Variants in FAM227B observed in about 807,000 individuals in gnomAD.
The protein encoded by FAM227B is family with sequence similarity 227 member B, also known as protein FAM227B.
In FAM227B, 88 loss-of-function variants were observed where a neutral mutation model predicts 73.8. The ratio of observed to expected loss-of-function variants is 1.19; its 90% CI spans 1.00 to 1.42. The LOEUF (loss-of-function observed/expected upper bound fraction) is 1.42. Among genes scored for constraint, FAM227B ranks in the 40% most tolerant of loss-of-function variants. FAM227B has a pLI of 0.00. For synonymous variants in FAM227B, 210 were observed against 190.5 expected (o/e 1.10, Z -0.84); for missense variants, 632 against 590.9 (o/e 1.07, Z -0.72).
At chr15:49,565,166 G>A (rs993768188) in intron 9 of FAM227B, among the ~76,000 whole-genome samples, 1 of 151,892 alleles carries the variant, frequency 6.6e-6, no homozygotes, top group African/African-American at 2.4e-5. Flanking sequence ...GGCGGATCAC[G>A]AGGTCAGGAG....
intron 11 of FAM227B, among the ~76,000 whole-genome samples, chr15:49,446,484 A>G (rs559389473): frequency 2.6e-5 from 4 of 151,730 alleles, no homozygotes; most frequent in African/African-American, 9.6e-5. Context: ...CTGAAAGAGA[A>G]TATTTCTGGG....
chr15:49,505,159 T>C (rs2058481401), intron 11 of FAM227B, among the ~76,000 whole-genome samples: 1 of 152,172 alleles, frequency 6.6e-6, no homozygotes, highest in Non-Finnish European at 1.5e-5. Flanking sequence ...AAAAACAGCA[T>C]GCACTCTATA....
chr15:49,357,988 A>G lies in FAM227B; in HGVS notation c.1271+9460T>C, dbSNP rs915844464. Among the ~76,000 whole-genome samples, 139 of 152,124 alleles carry G rather than the reference A, an allele frequency of 9.1e-4. 1 individual carries two copies. Among genetic ancestry groups the G allele is most frequent in the African/African-American group, 3.0e-3 (125 of 41,458 alleles). Reference sequence around the variant, plus strand: ...ATAAACAGAGCCAAAGACAAAAACCACATGATTATCTCAATAGATGCAGAA... The same window carrying G: ...ATAAACAGAGCCAAAGACAAAAACCGCATGATTATCTCAATAGATGCAGAA... On this transcript the variant is annotated intron_variant, in intron 13 of 15. Coordinates refer to ENST00000299338, the MANE Select transcript of FAM227B (RefSeq NM_152647.3).
At chr15:49,577,271 TG>T in intron 6 of FAM227B, 1 of 353,600 alleles carries the variant, frequency 2.8e-6, no homozygotes, top group Non-Finnish European at 5.5e-6. Context: ...CACTCCAGCC[TG>T]GGCCACAGAG....
At chr15:49,592,107 T>C (rs1445409876) in intron 3 of FAM227B, among the ~76,000 whole-genome samples, 1 of 152,182 alleles carries the variant, frequency 6.6e-6, no homozygotes, top group Non-Finnish European at 1.5e-5. Context: ...TGCGATGGGT[T>C]AGAACATGTT....
chr15:49,517,649 C>T (rs991612775), intron 10 of FAM227B, among the ~76,000 whole-genome samples: 24 of 151,982 alleles, frequency 1.6e-4, no homozygotes, highest in African/African-American at 5.3e-4. Flanking sequence ...GCTACTATTG[C>T]CTTTGTTTTC....
intron 11 of FAM227B, among the ~76,000 whole-genome samples, chr15:49,463,569 T>G (rs1292516208): frequency 8.6e-6 from 1 of 116,916 alleles, no homozygotes. Context: ...AAAAAAAATA[T>G]CCAAACTCAA....
At chr15:49,463,932 T>TTTG (rs1555496011) in intron 11 of FAM227B, among the ~76,000 whole-genome samples, 2 of 151,710 alleles carry the variant, frequency 1.3e-5, no homozygotes, top group African/African-American at 4.8e-5. Flanking sequence ...TTTGTTTGTT[T>TTTG]TTTGTTTGTT....
intron 10 of FAM227B, among the ~76,000 whole-genome samples, chr15:49,536,072 CAAAAAAAA>C (rs59203003): frequency 2.6e-5 from 3 of 114,012 alleles, no homozygotes; most frequent in Non-Finnish European, 5.5e-5. Flanking sequence ...GGCAATCAGA[CAAAAAAAA>C]AAAAAAAAAA....
At chr15:49,422,204 A>C (rs2049741879) in intron 11 of FAM227B, among the ~76,000 whole-genome samples, 1 of 151,576 alleles carries the variant, frequency 6.6e-6, no homozygotes. Context: ...TTTGAGGAGT[A>C]TATAACATGA....
chr15:49,527,558 G>T (rs762411358), intron 10 of FAM227B, among the ~76,000 whole-genome samples: 13 of 151,660 alleles, frequency 8.6e-5, no homozygotes, highest in Non-Finnish European at 1.8e-4. Context: ...TTGGAAAAAA[G>T]GTCAAATTAT....
intron 11 of FAM227B, among the ~76,000 whole-genome samples, chr15:49,507,747 T>C (rs182065057): frequency 9.9e-4 from 150 of 152,214 alleles, no homozygotes; most frequent in African/African-American, 3.4e-3. Context: ...ACCCATCATA[T>C]TGGAATACAA....
intron 11 of FAM227B, among the ~76,000 whole-genome samples, chr15:49,401,863 AG>A (rs1431131569): frequency 2.3e-5 from 2 of 86,126 alleles, no homozygotes; most frequent in African/African-American, 9.5e-5. Context: ...GGGTGGGGGG[AG>A]GGGGGAGGGA....
chr15:49,551,887 C>T (rs938692961), intron 9 of FAM227B, among the ~76,000 whole-genome samples: 3 of 152,064 alleles, frequency 2.0e-5, no homozygotes, highest in Non-Finnish European at 4.4e-5. Flanking sequence ...TTAAATTTGT[C>T]CCCCCACTTT....
chr15:49,544,845 T>A (rs2071594227), intron 9 of FAM227B, among the ~76,000 whole-genome samples: 1 of 152,192 alleles, frequency 6.6e-6, no homozygotes, highest in Admixed American at 6.6e-5. Flanking sequence ...TGCATCCCTG[T>A]TATGAAACAT....
intron 14 of FAM227B, chr15:49,334,296 T>G: frequency 1.1e-6 from 1 of 947,798 alleles, no homozygotes; most frequent in Non-Finnish European, 1.3e-6. Context: ...CTTTTCCCTA[T>G]AAAGTTAAAG....
chr15:49,508,092 C>A, intron 11 of FAM227B, 119 bp downstream of exon 11: 1 of 1,005,688 alleles, frequency 9.9e-7, no homozygotes, highest in Non-Finnish European at 1.4e-6. Flanking sequence ...ATCTATAAAT[C>A]AAATGTTATT....
intron 1 of FAM227B, among the ~76,000 whole-genome samples, chr15:49,618,232 A>T (rs1488146745): frequency 6.6e-6 from 1 of 152,238 alleles, no homozygotes; most frequent in African/African-American, 2.4e-5. Flanking sequence ...TAGAGAATGT[A>T]GTTCATTTTT....
chr15:49,343,461 A>G (rs1056235820), intron 13 of FAM227B: 1 of 152,126 alleles, frequency 6.6e-6, no homozygotes, highest in Non-Finnish European at 1.5e-5. Flanking sequence ...AACACACTCT[A>G]GTGCCTGTGT....
Sources: gnomAD v4.1 joint callset for allele counts (sites outside exome capture counted in the v4.1 genomes callset) on GRCh38, gnomAD v4.1.1 for gene constraint, MANE v1.5 for transcripts, NCBI Gene and HGNC (gene_info 2026-07-23, HGNC 2026-07-21) for gene names.